CFAP74: variants seen among roughly 807,000 people sequenced by gnomAD.
CFAP74 encodes the protein cilia and flagella associated protein 74, also known as cilia- and flagella-associated protein 74.
Under a neutral mutation model 188.9 loss-of-function variants are expected in CFAP74, and 124 were observed. The observed-to-expected ratio is 0.66, with a 90% CI of 0.57 to 0.76. The LOEUF is 0.76. Ranked by LOEUF, CFAP74 falls within the 30% of genes least tolerant of loss-of-function variation. CFAP74 has a pLI of 0.00. For missense variants in CFAP74, 2,198 were observed against 2,165.2 expected, an observed-to-expected ratio of 1.02 and a Z score of -0.30; for synonymous variants, 956 against 916.7, an observed-to-expected ratio of 1.04 and a Z score of -0.77.
At chr1:1,943,768 C>T (rs1653550795) in intron 21 of CFAP74, among the ~76,000 whole-genome samples, 1 of 152,214 alleles carries the variant, frequency 6.6e-6, no homozygotes, top group South Asian at 2.1e-4. Context: ...CCCCACAACA[C>T]AGAGGCACAT....
intron 16 of CFAP74, among the ~76,000 whole-genome samples, chr1:1,958,248 G>T (rs1387384307): frequency 6.6e-6 from 1 of 152,230 alleles, no homozygotes; most frequent in Non-Finnish European, 1.5e-5. Context: ...GACATAGCGC[G>T]CCTCTGCCCT....
intron 25 of CFAP74, among the ~76,000 whole-genome samples, chr1:1,937,827 C>T (rs555062723): frequency 4.9e-5 from 7 of 143,046 alleles, no homozygotes; most frequent in Admixed American, 2.1e-4. Context: ...CCTCAGAGCA[C>T]GCAGGGATTT....
At chr1:1,974,697 T>A (rs1485062974) in intron 6 of CFAP74, among the ~76,000 whole-genome samples, 2 of 152,258 alleles carry the variant, frequency 1.3e-5, no homozygotes, top group Non-Finnish European at 2.9e-5. Flanking sequence ...GGGACCTGCC[T>A]GACCCCTGGT....
At chr1:1,956,555 C>T (rs1033689367) in intron 17 of CFAP74, 65 bp downstream of exon 17, 129 of 1,594,238 alleles carry the variant, frequency 8.1e-5, no homozygotes, top group Non-Finnish European at 1.1e-4. Flanking sequence ...CCTCTGTTCA[C>T]CCACATGGGA....
chr1:1,984,791 G>C (rs1657129944), intron 6 of CFAP74: 1 of 153,298 alleles, frequency 6.5e-6, no homozygotes, highest in South Asian at 2.0e-4. Flanking sequence ...GGTGGCCTGA[G>C]GCCTGCACTC....
At chr1:1,983,368 G>A (rs1197656746) in intron 6 of CFAP74, among the ~76,000 whole-genome samples, 1 of 152,164 alleles carries the variant, frequency 6.6e-6, no homozygotes, top group Non-Finnish European at 1.5e-5. Flanking sequence ...CACTGAAGAA[G>A]CCAGCGGCCC....
chr1:1,951,046 C>A (rs946461723), intron 18 of CFAP74, among the ~76,000 whole-genome samples: 3 of 152,082 alleles, frequency 2.0e-5, no homozygotes, highest in South Asian at 2.1e-4. Context: ...TTTCACCCTG[C>A]TATAAAGAAC....
At chr1:1,944,477 C>G in intron 20 of CFAP74, 25 bp from the exon 21 acceptor site, 1 of 1,533,734 alleles carries the variant, frequency 6.5e-7, no homozygotes, top group Non-Finnish European at 8.7e-7. Flanking sequence ...AGGAGCTCAG[C>G]AACAGGAGTT....
At chr1:1,957,234 A>C (rs1048532426) in intron 16 of CFAP74, among the ~76,000 whole-genome samples, 6 of 152,162 alleles carry the variant, frequency 3.9e-5, no homozygotes, top group African/African-American at 7.2e-5. Flanking sequence ...CAGGCCACAG[A>C]AGCTCTGGTG....
At chr1:1,988,738 G>T in intron 3 of CFAP74, 83 bp from the exon 4 acceptor site, 2 of 1,549,614 alleles carry the variant, frequency 1.3e-6, no homozygotes, top group Non-Finnish European at 1.8e-6. Context: ...CGGGGTAGGT[G>T]CCTGACAGTT....
At position 1,942,095 on chromosome 1, in the gene CFAP74, G is replaced by C; in HGVS notation, c.2548C>G (p.Leu850Val). ...TGGATATAGCCTGTCTTGGGCAGGAGCTCCAGGTGGGCCCTCAGCTCCTTG... is the reference window on the plus strand; with the variant it reads ...TGGATATAGCCTGTCTTGGGCAGGACCTCCAGGTGGGCCCTCAGCTCCTTG... Reference protein sequence around the residue: ...VCKELRAHLELLPKTGYIQAQ... With the variant: ...VCKELRAHLEVLPKTGYIQAQ... The change falls in exon 22 of 39, where the codon CTC (leucine) becomes GTC (valine). Residue 850 changes from leucine (L) to valine (V), a missense_variant. Physicochemically the swap from Leu to Val is conservative, Grantham distance 32 (BLOSUM62 1). Coordinates refer to ENST00000682832, the MANE Select transcript of CFAP74 (RefSeq NM_001304360.2). This position sits in a 1 kb window ranked among gnomAD's most constrained non-coding sequence, Gnocchi z 4.3. 1 of 1,532,480 alleles carries C rather than the reference G, an allele frequency of 6.5e-7. No individual in the cohort carries two copies. The highest frequency in any genetic ancestry group is 2.5e-5 in the East Asian group (1 of 40,462). The allele number at this position is 1,532,480 out of a possible 1,614,324, so 94.9% of individuals were successfully genotyped here. A position where few individuals can be genotyped will look rare whatever the true frequency, so the allele number is the denominator to read the frequency against.
At chr1:1,927,992 G>T in intron 27 of CFAP74, 1 of 529,568 alleles carries the variant, frequency 1.9e-6, no homozygotes, top group Non-Finnish European at 3.4e-6. Context: ...GGCACGGAGT[G>T]AGGAGGCGGC....
At chr1:1,932,590 T>G (rs917589238) in intron 25 of CFAP74, among the ~76,000 whole-genome samples, 5 of 151,498 alleles carry the variant, frequency 3.3e-5, no homozygotes, top group Non-Finnish European at 7.4e-5. Flanking sequence ...ATTTTTTTCT[T>G]TCTTTTTTTC....
chr1:1,965,815 C>G (rs1655428288), intron 12 of CFAP74, among the ~76,000 whole-genome samples: 1 of 152,214 alleles, frequency 6.6e-6, no homozygotes, highest in Non-Finnish European at 1.5e-5. Context: ...TTTGCCCTGA[C>G]AGTAGAGGTG....
chr1:1,988,447 G>A (rs575537636), intron 4 of CFAP74, 65 bp downstream of exon 4: 7 of 1,588,574 alleles, frequency 4.4e-6, no homozygotes, highest in Non-Finnish European at 3.4e-6. Flanking sequence ...CACCCCTGCT[G>A]CACCCATGTC....
chr1:1,955,074 G>GAAGTGCGGCTCACACCGGA, intron 18 of CFAP74: 26 of 700,370 alleles, frequency 3.7e-5, no homozygotes, highest in Middle Eastern at 5.8e-4. Flanking sequence ...GCTCACACCG[G>GAAGTGCGGCTCACACCGGA]AAGTGCGGCT....
intron 15 of CFAP74, 23 bp from the exon 16 acceptor site, chr1:1,959,232 C>G: frequency 6.8e-7 from 1 of 1,467,404 alleles, no homozygotes; most frequent in Non-Finnish European, 9.5e-7. Context: ...ACAACCCCCA[C>G]CACAATACAC....
At position 1,972,091 on chromosome 1, in the gene CFAP74, G is replaced by A. The variant is rs1656125897; in HGVS notation, c.786-9C>T. On this transcript the variant is annotated splice_polypyrimidine_tract_variant and intron_variant, in intron 8 of 38. Transcript: ENST00000682832. Reference sequence around the variant, plus strand: ...TCTCTTGCTCTCGGATTCTGAGGAAGGACATTTAAACATTTTTGAGGCTCT... The same window carrying A: ...TCTCTTGCTCTCGGATTCTGAGGAAAGACATTTAAACATTTTTGAGGCTCT... 1 of 1,606,008 alleles carries A rather than the reference G, an allele frequency of 6.2e-7. No homozygotes were observed.
chr1:1,955,090 A>AAGTGCGGCTCACACT lies in CFAP74; in HGVS notation c.2176+600_2176+601insAGTGTGAGCCGCACT, dbSNP rs1558021562. On this transcript the variant is annotated intron_variant, in intron 18 of 38. Transcript: ENST00000682832. The stretch of plus-strand genomic sequence containing the variant: ...CTCACACCGGAAGTGCGGCTCACAC[A>AAGTGCGGCTCACACT]GGCTGTGGAGAACCGGCCCAGCTCC... 2.1e-5 allele frequency: 9 copies of AAGTGCGGCTCACACT among 438,502 alleles called. No individual in the cohort carries two copies. The East Asian group carries it at 1.7e-3, about 84-fold the overall frequency. 27.2% of individuals were successfully genotyped at this position (438,502 alleles called of 1,614,324 possible).
Sources: allele counts gnomAD v4.1 joint callset (sites outside exome capture counted in the v4.1 genomes callset), GRCh38; gene constraint gnomAD v4.1.1; non-coding constraint Gnocchi (gnomAD v3.1); transcripts MANE v1.5; gene names NCBI Gene and HGNC (gene_info 2026-07-23, HGNC 2026-07-21).